STX3: variants seen among roughly 807,000 people sequenced by gnomAD.
STX3 encodes syntaxin-3.
Under a neutral mutation model 40.2 loss-of-function variants are expected in STX3, and 19 were observed. The observed-to-expected ratio is 0.47, with a 90% CI of 0.33 to 0.69. The LOEUF (loss-of-function observed/expected upper bound fraction) is 0.69, where lower values mean the gene tolerates loss of function less well. Among genes scored for constraint, STX3 ranks in the 30% least tolerant of loss-of-function variants. The pLI, the probability that STX3 is intolerant of heterozygous loss-of-function variation, is 0.02. For synonymous variants in STX3, 122 were observed against 132.2 expected (o/e 0.92, Z 0.53); for missense variants, 364 against 366.7 (o/e 0.99, Z 0.06).
intron 1 of STX3, among the ~76,000 whole-genome samples, chr11:59,770,398 AGTGT>A (rs1334731305): frequency 1.3e-5 from 2 of 148,254 alleles, no homozygotes; most frequent in Non-Finnish European, 3.0e-5. Flanking sequence ...GTCTGTGAGG[AGTGT>A]GTGTGTGTGG....
intron 2 of STX3, among the ~76,000 whole-genome samples, chr11:59,785,386 C>T (rs571050000): frequency 6.6e-6 from 1 of 152,220 alleles, no homozygotes; most frequent in African/African-American, 2.4e-5. Flanking sequence ...GCGGGAAATG[C>T]AGTGGCATGA....
intron 5 of STX3, among the ~76,000 whole-genome samples, chr11:59,791,394 C>T (rs751198122): frequency 2.6e-5 from 4 of 152,116 alleles, no homozygotes; most frequent in African/African-American, 9.7e-5. Context: ...TTATAACTTA[C>T]AGGCATTTGC....
At position 59,800,835 on chromosome 11, in the gene STX3, C is replaced by T. The variant is rs1344441496; in HGVS notation, c.*31-20C>T. On this transcript the variant is annotated intron_variant, in intron 10 of 10. Transcript: ENST00000337979. ...CTTCTTCCTGTGTACTGATCAGCTCCTCCTTTCCCTGCCTCCTAGAAACTG... is the reference window on the plus strand; with the variant it reads ...CTTCTTCCTGTGTACTGATCAGCTCTTCCTTTCCCTGCCTCCTAGAAACTG... 2.0e-6 allele frequency: 3 copies of T among 1,536,446 alleles called. No homozygotes were observed. The South Asian group carries it at 3.6e-5, about 18-fold the overall frequency.
At chr11:59,786,387 C>T (rs1446252955) in intron 2 of STX3, among the ~76,000 whole-genome samples, 3 of 151,056 alleles carry the variant, frequency 2.0e-5, no homozygotes, top group Non-Finnish European at 4.4e-5. Context: ...CTACAGGCGC[C>T]CACCATCACA....
chr11:59,790,774 G>A (rs193085712), intron 5 of STX3, among the ~76,000 whole-genome samples, 188 bp downstream of exon 5: 4 of 152,220 alleles, frequency 2.6e-5, no homozygotes, highest in Admixed American at 2.0e-4. Flanking sequence ...CTCCTCTCCT[G>A]TACTCTCCTT....
At chr11:59,759,097 A>G (rs1185784656) in intron 1 of STX3, among the ~76,000 whole-genome samples, 1 of 152,194 alleles carries the variant, frequency 6.6e-6, no homozygotes, top group African/African-American at 2.4e-5. Flanking sequence ...TTCCAGCCCA[A>G]TCTGACCTTT....
intron 2 of STX3, among the ~76,000 whole-genome samples, chr11:59,777,761 A>G (rs1392061686): frequency 3.3e-5 from 5 of 152,214 alleles, no homozygotes; most frequent in Non-Finnish European, 7.3e-5. Flanking sequence ...TTGTTATATC[A>G]CAGCATAGCC....
intron 1 of STX3, among the ~76,000 whole-genome samples, chr11:59,772,437 C>G (rs560559048): frequency 1.3e-5 from 2 of 152,270 alleles, no homozygotes; most frequent in South Asian, 2.1e-4. Context: ...TGGCTGGGGG[C>G]CGGGGGAGAG....
At chr11:59,779,139 A>C (rs1222490118) in intron 2 of STX3, among the ~76,000 whole-genome samples, 1 of 152,100 alleles carries the variant, frequency 6.6e-6, no homozygotes, top group African/African-American at 2.4e-5. Context: ...CGCTGGCCAA[A>C]AATTTACTTT....
chr11:59,785,532 T>C (rs1443847503), intron 2 of STX3, among the ~76,000 whole-genome samples: 1 of 152,102 alleles, frequency 6.6e-6, no homozygotes, highest in African/African-American at 2.4e-5. Context: ...GGTTTTGCCA[T>C]GTTACCCAGG....
At chr11:59,786,240 TTTC>T in intron 2 of STX3, among the ~76,000 whole-genome samples, 1 of 150,776 alleles carries the variant, frequency 6.6e-6, no homozygotes, top group African/African-American at 2.4e-5. Flanking sequence ...TGTTTCTTTC[TTTC>T]TTTTTTTTTT....
rs1866031778 is a variant in STX3, at chr11:59,805,169, T to G, written c.*4345T>G. 1 of 138,760 alleles carries G rather than the reference T, an allele frequency of 7.2e-6. No individual in the cohort carries two copies. Among genetic ancestry groups the G allele is most frequent in the South Asian group, 2.2e-4 (1 of 4,606 alleles). 8.6% of individuals were successfully genotyped at this position (138,760 alleles called of 1,614,324 possible). A position where few individuals can be genotyped will look rare whatever the true frequency, so the allele number is the denominator to read the frequency against. ...TCCAGCCTGGGCAACAAGAGCTAAA[T>G]TCCATCTAAAAAAAAAAAAAAAACA... On this transcript the variant is annotated 3_prime_UTR_variant, in exon 11 of 11. Coordinates refer to ENST00000337979, the MANE Select transcript of STX3 (RefSeq NM_004177.5).
In STX3 at chr11:59,755,579, C is replaced by A; in HGVS notation, c.-27C>A. 1 of 1,592,954 alleles carries A rather than the reference C, an allele frequency of 6.3e-7. No homozygotes were observed. The highest frequency in any genetic ancestry group is 1.1e-5 in the South Asian group (1 of 90,836). On this transcript the variant is annotated 5_prime_UTR_variant, in exon 1 of 11. Transcript: ENST00000337979. ...GGACGCGCTCACCTGGGACGCGCTA[C>A]CTGCCTCCGGGCGCCTGGGCTTCAG...
At chr11:59,763,635 A>G (rs922250934) in intron 1 of STX3, among the ~76,000 whole-genome samples, 20 of 152,362 alleles carry the variant, frequency 1.3e-4, no homozygotes, top group African/African-American at 4.6e-4. Context: ...TGTCCTCCCC[A>G]GGCTAATCCA....
At chr11:59,776,609 A>G (rs1465321651) in intron 2 of STX3, among the ~76,000 whole-genome samples, 1 of 152,222 alleles carries the variant, frequency 6.6e-6, no homozygotes, top group Non-Finnish European at 1.5e-5. Context: ...GATAAAACTT[A>G]CTGTTTGGAC....
chr11:59,800,082 A>C (rs534729037), intron 10 of STX3: 1 of 985,426 alleles, frequency 1.0e-6, no homozygotes, highest in African/African-American at 1.7e-5. Flanking sequence ...GGAGCAGACT[A>C]ATTAATATGT....
rs750035976 is a variant in STX3 at position 59,795,628 on chromosome 11, C to A, written c.786+146C>A. 5 of 1,539,258 alleles carry A rather than the reference C, an allele frequency of 3.2e-6. No individual in the cohort carries two copies. In the South Asian group the frequency reaches 5.9e-5, roughly 18 times the overall value. The stretch of plus-strand genomic sequence containing the variant: ...GATCCATGATTGACCGTATTGAGAA[C>A]AACATGGACCAGTCAGTGGGCTTTG... On this transcript the variant is annotated intron_variant, in intron 9 of 10. Coordinates refer to ENST00000337979, the MANE Select transcript of STX3 (RefSeq NM_004177.5).
In STX3 at chr11:59,788,955, G is replaced by C; in HGVS notation, c.289+8G>C. The C allele has an allele frequency of 6.2e-7, 1 of 1,605,526 alleles. No individual in the cohort carries two copies. Among genetic ancestry groups the C allele is most frequent in the Non-Finnish European group, 8.5e-7 (1 of 1,175,516 alleles). Reference sequence around the variant, plus strand: ...TCCGGAACAAACTGAAGAGTAAGAAGGGAACAAAGAAAACAAGGCCGTCCC... The same window carrying C: ...TCCGGAACAAACTGAAGAGTAAGAACGGAACAAAGAAAACAAGGCCGTCCC... On this transcript the variant is annotated splice_region_variant and intron_variant, in intron 4 of 10. Transcript: ENST00000337979.
At chr11:59,792,271 A>G (rs2135016026) in intron 6 of STX3, 56 bp downstream of exon 6, 1 of 1,521,596 alleles carries the variant, frequency 6.6e-7, no homozygotes, top group East Asian at 2.3e-5. Flanking sequence ...CTGGTTGTCC[A>G]TCCCAAGTTT....
Sources: gnomAD v4.1 joint callset for allele counts (sites outside exome capture counted in the v4.1 genomes callset) on GRCh38, gnomAD v4.1.1 for gene constraint, MANE v1.5 for transcripts, NCBI Gene and HGNC (gene_info 2026-07-23, HGNC 2026-07-21) for gene names.